EYS: variants seen among roughly 807,000 people sequenced by gnomAD.
EYS encodes the protein protein eyes shut homolog.
In EYS, 250 loss-of-function variants were observed where a neutral mutation model predicts 282.1. The ratio of observed to expected loss-of-function variants is 0.89; its 90% CI spans 0.80 to 0.98. EYS has a LOEUF of 0.98. EYS is among the 50% of genes least tolerant of loss of function. The probability of loss-of-function intolerance (pLI) is 0.00; values close to 1 mark genes in which losing one functional copy is unlikely to be tolerated. For missense variants in EYS, 4,016 were observed against 3,709.0 expected, an observed-to-expected ratio of 1.08 and a Z score of -2.15; for synonymous variants, 1,355 against 1,282.9, an observed-to-expected ratio of 1.06 and a Z score of -1.20.
intron 31 of EYS, among the ~76,000 whole-genome samples, chr6:64,084,689 A>G (rs1008708719): frequency 3.3e-5 from 5 of 152,180 alleles, no homozygotes; most frequent in Non-Finnish European, 7.3e-5. Context: ...CTGGCTGGTA[A>G]AACTGACAAG....
At chr6:64,796,645 T>C (rs927612269) in intron 22 of EYS, among the ~76,000 whole-genome samples, 1 of 152,140 alleles carries the variant, frequency 6.6e-6, no homozygotes, top group Non-Finnish European at 1.5e-5. Flanking sequence ...ACAGACGCTA[T>C]ATTCTGAGGT....
intron 28 of EYS, among the ~76,000 whole-genome samples, chr6:64,422,819 G>A (rs1465461614): frequency 6.6e-6 from 1 of 152,098 alleles, no homozygotes; most frequent in East Asian, 1.9e-4. Context: ...GTGTATCTGA[G>A]AGTATTCATT....
chr6:65,036,320 A>G (rs1772769644), intron 13 of EYS, among the ~76,000 whole-genome samples: 6 of 152,014 alleles, frequency 3.9e-5, no homozygotes, highest in Admixed American at 3.3e-4. Flanking sequence ...CACCATATAC[A>G]AAAATCAACT....
chr6:65,456,295 T>C (rs1007919188), intron 5 of EYS, among the ~76,000 whole-genome samples: 4 of 151,594 alleles, frequency 2.6e-5, no homozygotes, highest in African/African-American at 4.8e-5. Flanking sequence ...TACTAAAAAA[T>C]ACAAAAATTA....
rs75820276 is a variant in EYS, at chr6:64,171,037, A to G, written c.6424+59555T>C. ...GAACCTACCGCTTCTTCTGCTTACT[A>G]TATTGCTTATCCGTAAATTTATTCC... On this transcript the variant is annotated intron_variant, in intron 31 of 42. Transcript: ENST00000503581. 4.1e-3 allele frequency among the ~76,000 whole-genome samples: 620 copies of G among 152,236 alleles called. 4 individuals carry two copies. Among genetic ancestry groups the G allele is most frequent in the African/African-American group, 0.014 (595 of 41,544 alleles).
At chr6:64,382,836 G>A (rs939276759) in intron 29 of EYS, among the ~76,000 whole-genome samples, 9 of 152,136 alleles carry the variant, frequency 5.9e-5, no homozygotes, top group Non-Finnish European at 1.5e-5. Flanking sequence ...TAGATGCAGA[G>A]CTGAAAAAAA....
chr6:64,350,761 T>C (rs776328780), intron 29 of EYS, among the ~76,000 whole-genome samples: 33 of 151,694 alleles, frequency 2.2e-4, no homozygotes, highest in Admixed American at 5.9e-4. Context: ...AGTGATATGA[T>C]TTGGCTCTGT....
intron 28 of EYS, among the ~76,000 whole-genome samples, chr6:64,392,204 T>A (rs1773178496): frequency 6.7e-6 from 1 of 149,930 alleles, no homozygotes; most frequent in African/African-American, 2.5e-5. Context: ...ACTGTCAACA[T>A]TAGACAGATC....
chr6:64,894,619 G>T (rs944249800), intron 18 of EYS, among the ~76,000 whole-genome samples: 1 of 152,078 alleles, frequency 6.6e-6, no homozygotes, highest in Non-Finnish European at 1.5e-5. Context: ...GTCAGGTTTT[G>T]CCTCCTTAAG....
At chr6:64,211,562 T>C (rs1011920417) in intron 31 of EYS, among the ~76,000 whole-genome samples, 60 of 143,568 alleles carry the variant, frequency 4.2e-4, no homozygotes, top group African/African-American at 1.6e-3. Flanking sequence ...ATCTAATTCA[T>C]ATATATATAT....
At chr6:63,942,464 A>G (rs981339797) in intron 35 of EYS, among the ~76,000 whole-genome samples, 2 of 152,212 alleles carry the variant, frequency 1.3e-5, no homozygotes, top group African/African-American at 4.8e-5. Context: ...GTCTCTAATT[A>G]ATAGAAAATT....
chr6:65,559,782 A>G (rs1198598911), intron 2 of EYS, among the ~76,000 whole-genome samples: 2 of 151,994 alleles, frequency 1.3e-5, no homozygotes, highest in African/African-American at 4.8e-5. Flanking sequence ...TTTTCCAATA[A>G]AGTTGTCCAA....
At chr6:64,937,163 T>G (rs903629764) in intron 15 of EYS, among the ~76,000 whole-genome samples, 1 of 151,320 alleles carries the variant, frequency 6.6e-6, no homozygotes, top group African/African-American at 2.4e-5. Context: ...AAATGGATTA[T>G]ATCTCAATAT....
intron 29 of EYS, among the ~76,000 whole-genome samples, chr6:64,325,375 C>T (rs1305805348): frequency 6.6e-6 from 1 of 152,174 alleles, no homozygotes; most frequent in Non-Finnish European, 1.5e-5. Flanking sequence ...GAGAGAACTG[C>T]ATCAAGGGAA....
intron 31 of EYS, among the ~76,000 whole-genome samples, chr6:64,105,998 C>A (rs925471016): frequency 2.6e-5 from 4 of 152,070 alleles, no homozygotes; most frequent in Non-Finnish European, 5.9e-5. Flanking sequence ...GTTTTTGATA[C>A]ATTCTGAAAA....
chr6:64,886,883 T>C (rs1390215866), intron 18 of EYS, 41 bp from the exon 19 acceptor site: 3 of 1,221,196 alleles, frequency 2.5e-6, no homozygotes, highest in South Asian at 1.6e-5. Flanking sequence ...CATGTAACAA[T>C]GATAATCATT....
chr6:63,935,907 T>C (rs2149754392), intron 35 of EYS, among the ~76,000 whole-genome samples: 1 of 152,296 alleles, frequency 6.6e-6, no homozygotes, highest in South Asian at 2.1e-4. Flanking sequence ...TTTTTTATGG[T>C]CAAACAGCCA....
At chr6:65,263,291 T>C (rs911390444) in intron 12 of EYS, among the ~76,000 whole-genome samples, 1 of 151,984 alleles carries the variant, frequency 6.6e-6, no homozygotes, top group Admixed American at 6.6e-5. Context: ...CAGTGAGCTA[T>C]GATCGTGCCA....
chr6:64,483,719 A>C (rs118074023), intron 26 of EYS, among the ~76,000 whole-genome samples: 2,451 of 151,716 alleles, frequency 0.016, 23 homozygotes, highest in South Asian at 0.033. Flanking sequence ...ACTTGCCCTC[A>C]GATGCAAGCT....
Sources: allele counts gnomAD v4.1 joint callset (sites outside exome capture counted in the v4.1 genomes callset), GRCh38; gene constraint gnomAD v4.1.1; transcripts MANE v1.5; gene names NCBI Gene and HGNC (gene_info 2026-07-23, HGNC 2026-07-21).